ASTN2: variants seen among roughly 807,000 people sequenced by gnomAD.
ASTN2 encodes the protein astrotactin 2, also known as astrotactin-2.
In ASTN2, 54 loss-of-function variants were observed where a neutral mutation model predicts 139.8. The ratio of observed to expected loss-of-function variants is 0.39; its 90% CI spans 0.31 to 0.48. ASTN2 has a LOEUF of 0.48. ASTN2 is among the 20% of genes least tolerant of loss of function. The probability of loss-of-function intolerance (pLI) is 0.95; values close to 1 mark genes in which losing one functional copy is unlikely to be tolerated. For missense variants in ASTN2, 1,565 were observed against 1,725.1 expected, an observed-to-expected ratio of 0.91 and a Z score of 1.64; for synonymous variants, 756 against 719.5, an observed-to-expected ratio of 1.05 and a Z score of -0.81.
intron 13 of ASTN2, among the ~76,000 whole-genome samples, chr9:116,801,082 A>G (rs1830833427): frequency 6.6e-6 from 1 of 152,144 alleles, no homozygotes; most frequent in Admixed American, 6.5e-5. Context: ...AATGAGGCAT[A>G]TGGTGAGACG....
chr9:117,353,858 T>C (rs1029023729), intron 1 of ASTN2, among the ~76,000 whole-genome samples: 6 of 152,014 alleles, frequency 3.9e-5, no homozygotes, highest in African/African-American at 1.4e-4. Flanking sequence ...AAGAAAACCA[T>C]GAAGACAGCA....
At chr9:116,835,642 T>C (rs1831961706) in intron 11 of ASTN2, among the ~76,000 whole-genome samples, 1 of 152,160 alleles carries the variant, frequency 6.6e-6, no homozygotes, top group African/African-American at 2.4e-5. Context: ...ATTTGTAAAA[T>C]GTATAAAACA....
chr9:117,044,226 A>G (rs958603085), intron 5 of ASTN2, among the ~76,000 whole-genome samples: 1 of 152,360 alleles, frequency 6.6e-6, no homozygotes, highest in East Asian at 1.9e-4. Context: ...TTATTCTTAT[A>G]GAAGCAGAAG....
chr9:117,361,349 G>A (rs1829688034), intron 1 of ASTN2, among the ~76,000 whole-genome samples: 1 of 152,106 alleles, frequency 6.6e-6, no homozygotes, highest in South Asian at 2.1e-4. Context: ...CATGCATGGG[G>A]TCGTGTAGGG....
chr9:116,680,879 TAAC>T (rs1421523074), intron 16 of ASTN2, among the ~76,000 whole-genome samples: 1 of 152,046 alleles, frequency 6.6e-6, no homozygotes, highest in Non-Finnish European at 1.5e-5. Context: ...TATTTGAAAA[TAAC>T]AAGAGCTATC....
chr9:117,082,486 C>T (rs1160194066), intron 5 of ASTN2, among the ~76,000 whole-genome samples: 2 of 152,196 alleles, frequency 1.3e-5, no homozygotes, highest in African/African-American at 2.4e-5. Context: ...CCAGTTCTTT[C>T]TCTTCTGTAG....
At chr9:116,999,154 C>G (rs1322432450) in intron 7 of ASTN2, among the ~76,000 whole-genome samples, 5 of 152,110 alleles carry the variant, frequency 3.3e-5, no homozygotes, top group African/African-American at 9.7e-5. Flanking sequence ...GCTATAAATG[C>G]CATTTACAAA....
intron 1 of ASTN2, among the ~76,000 whole-genome samples, chr9:117,372,455 C>A (rs1462387711): frequency 3.9e-5 from 6 of 152,174 alleles, no homozygotes; most frequent in Non-Finnish European, 8.8e-5. Context: ...TAATCACAAG[C>A]TAGAATCCTG....
chr9:116,919,799 C>T (rs1834549509), intron 10 of ASTN2, among the ~76,000 whole-genome samples: 1 of 151,668 alleles, frequency 6.6e-6, no homozygotes, highest in East Asian at 1.9e-4. Flanking sequence ...CAAAAATTAG[C>T]CAAGCTTGAT....
chr9:116,955,382 T>TG (rs1554764917), intron 10 of ASTN2, among the ~76,000 whole-genome samples: 1 of 152,222 alleles, frequency 6.6e-6, no homozygotes, highest in Non-Finnish European at 1.5e-5. Context: ...TGGAGGCAAC[T>TG]GGGGGCTTTT....
intron 17 of ASTN2, among the ~76,000 whole-genome samples, chr9:116,637,198 T>A (rs1857116586): frequency 6.6e-6 from 1 of 152,192 alleles, no homozygotes; most frequent in African/African-American, 2.4e-5. Flanking sequence ...TTCAGACCCA[T>A]GTGATGACAA....
intron 19 of ASTN2, among the ~76,000 whole-genome samples, chr9:116,508,049 C>T (rs192689272): frequency 5.3e-5 from 8 of 152,174 alleles, no homozygotes; most frequent in East Asian, 1.9e-4. Context: ...CCACCATGCC[C>T]GGCTAATTTT....
intron 10 of ASTN2, among the ~76,000 whole-genome samples, chr9:116,906,831 C>A (rs140750326): frequency 0.013 from 1,957 of 152,200 alleles, 23 homozygotes; most frequent in Non-Finnish European, 0.018. Context: ...ACCGCAATTA[C>A]TTTTGTGCCA....
At chr9:116,575,441 G>A (rs1853686661) in intron 19 of ASTN2, among the ~76,000 whole-genome samples, 1 of 152,080 alleles carries the variant, frequency 6.6e-6, no homozygotes. Context: ...AGTGAGGCTG[G>A]GGAGATGGCA....
chr9:116,968,253 A>T (rs575950224), intron 10 of ASTN2, among the ~76,000 whole-genome samples: 1 of 152,244 alleles, frequency 6.6e-6, no homozygotes, highest in Admixed American at 6.5e-5. Flanking sequence ...AATGTTCATT[A>T]CACAGTGAAG....
At chr9:116,657,660 G>A (rs751360751) in intron 16 of ASTN2, among the ~76,000 whole-genome samples, 3 of 152,120 alleles carry the variant, frequency 2.0e-5, no homozygotes, top group Non-Finnish European at 4.4e-5. Context: ...GGCCAACATG[G>A]CAAAACCCCA....
At chr9:117,218,180 C>A (rs970262603) in intron 2 of ASTN2, among the ~76,000 whole-genome samples, 1 of 152,172 alleles carries the variant, frequency 6.6e-6, no homozygotes, top group African/African-American at 2.4e-5. Context: ...AAGAATGTGG[C>A]AGAGGGACCC....
chr9:116,982,365 C>A (rs1836535518), intron 7 of ASTN2, among the ~76,000 whole-genome samples: 1 of 152,134 alleles, frequency 6.6e-6, no homozygotes, highest in Non-Finnish European at 1.5e-5. Context: ...TGGCACATTT[C>A]TTCTTGCTGA....
chr9:117,339,935 C>A lies in ASTN2; in HGVS notation c.443-48422G>T, dbSNP rs532855637. On this transcript the variant is annotated intron_variant, in intron 1 of 22. Coordinates refer to ENST00000313400, the MANE Select transcript of ASTN2 (RefSeq NM_001365068.1). ...AAAAAAAAAAAAAAATTTAAAGAGG[C>A]CCACATGATACCATAGCGTTTTATT... Among the ~76,000 whole-genome samples the A allele has an allele frequency of 7.3e-4, 110 of 151,644 alleles. 1 individual carries two copies. The highest frequency in any genetic ancestry group is 2.5e-3 in the South Asian group (12 of 4,790).
Sources: gnomAD v4.1 joint callset for allele counts (sites outside exome capture counted in the v4.1 genomes callset) on GRCh38, gnomAD v4.1.1 for gene constraint, MANE v1.5 for transcripts, NCBI Gene and HGNC (gene_info 2026-07-23, HGNC 2026-07-21) for gene names.